The following INPP4B variants were observed in gnomAD, a reference collection of about 807,000 sequenced individuals.
INPP4B encodes the protein inositol polyphosphate 4-phosphatase type II.
Under a neutral mutation model 122.5 loss-of-function variants are expected in INPP4B, and 55 were observed. That is an observed-to-expected ratio of 0.45 (90% CI 0.36 to 0.56). The LOEUF (loss-of-function observed/expected upper bound fraction) is 0.56, where lower values mean the gene tolerates loss of function less well. Among genes scored for constraint, INPP4B ranks in the 20% least tolerant of loss-of-function variants. The pLI is 0.00. For missense variants in INPP4B, 1,000 were observed against 1,097.7 expected, an observed-to-expected ratio of 0.91 and a Z score of 1.26; for synonymous variants, 403 against 388.7, an observed-to-expected ratio of 1.04 and a Z score of -0.43.
chr4:142,272,903 T>C (rs1053825419), intron 9 of INPP4B, among the ~76,000 whole-genome samples: 1 of 152,046 alleles, frequency 6.6e-6, no homozygotes, highest in Non-Finnish European at 1.5e-5. Context: ...TTGGGCAAGC[T>C]AAGTTAGCTT....
intron 2 of INPP4B, among the ~76,000 whole-genome samples, chr4:142,640,100 C>T (rs1189071818): frequency 6.6e-6 from 1 of 152,020 alleles, no homozygotes; most frequent in Non-Finnish European, 1.5e-5. Context: ...CAGGTGTAAA[C>T]TGTGACTGTA....
intron 2 of INPP4B, among the ~76,000 whole-genome samples, chr4:142,507,059 A>C (rs896429315): frequency 1.3e-5 from 2 of 152,194 alleles, no homozygotes; most frequent in Non-Finnish European, 2.9e-5. Flanking sequence ...TCTAGTCTCA[A>C]CTTCCATGAT....
intron 23 of INPP4B, among the ~76,000 whole-genome samples, chr4:142,103,507 T>C (rs1210673639): frequency 3.3e-5 from 5 of 152,050 alleles, no homozygotes; most frequent in Admixed American, 3.3e-4. Flanking sequence ...ACAACGAGTG[T>C]CAGAAGTGAT....
At chr4:142,689,208 A>C (rs1759800890) in intron 2 of INPP4B, among the ~76,000 whole-genome samples, 1 of 152,154 alleles carries the variant, frequency 6.6e-6, no homozygotes, top group Admixed American at 6.6e-5. Context: ...TGGGTGTTAT[A>C]TTCTCAGGAG....
chr4:142,571,058 AG>A (rs1732693575), intron 2 of INPP4B, among the ~76,000 whole-genome samples: 1 of 147,614 alleles, frequency 6.8e-6, no homozygotes, highest in African/African-American at 2.5e-5. Context: ...AAAGAATTCC[AG>A]GAGTCCTCAC....
At chr4:142,531,173 A>AATAGAT (rs1389919785) in intron 2 of INPP4B, among the ~76,000 whole-genome samples, 3 of 152,056 alleles carry the variant, frequency 2.0e-5, no homozygotes, top group Admixed American at 6.6e-5. Context: ...AAATAAAGTC[A>AATAGAT]ATAGATATAC....
At chr4:142,304,011 T>C (rs1762455671) in intron 9 of INPP4B, among the ~76,000 whole-genome samples, 1 of 152,124 alleles carries the variant, frequency 6.6e-6, no homozygotes, top group Non-Finnish European at 1.5e-5. Flanking sequence ...AGTATGCTCC[T>C]GATGTTAATG....
chr4:142,078,370 A>C (rs978146061), intron 25 of INPP4B, among the ~76,000 whole-genome samples: 1 of 152,028 alleles, frequency 6.6e-6, no homozygotes, highest in Non-Finnish European at 1.5e-5. Context: ...TCAAGTGATA[A>C]CTTCATATGC....
At chr4:142,415,126 G>C (rs1805409576) in intron 5 of INPP4B, among the ~76,000 whole-genome samples, 1 of 152,160 alleles carries the variant, frequency 6.6e-6, no homozygotes, top group South Asian at 2.1e-4. Context: ...AACTACCACT[G>C]ATATGGGAGC....
chr4:142,683,691 C>G (rs1280336463), intron 2 of INPP4B, among the ~76,000 whole-genome samples: 1 of 151,718 alleles, frequency 6.6e-6, no homozygotes, highest in East Asian at 2.0e-4. Context: ...GCCTTTCTGT[C>G]CAGTTATTGT....
chr4:142,111,880 A>T (rs1790325899), intron 22 of INPP4B, among the ~76,000 whole-genome samples: 1 of 151,890 alleles, frequency 6.6e-6, no homozygotes, highest in South Asian at 2.1e-4. Context: ...AGTAGCTGGG[A>T]TTACAGGTGA....
intron 23 of INPP4B, among the ~76,000 whole-genome samples, chr4:142,097,221 GTTATTTTTATTTTATTTTATT>G (rs1561105463): frequency 1.3e-5 from 1 of 75,792 alleles, no homozygotes; most frequent in Non-Finnish European, 3.4e-5. Flanking sequence ...TTTATTTTAT[GTTATTTTTATTTTATTTTATT>G]TTATTTTATT....
At chr4:142,194,687 AGT>A (rs2149376175) in intron 14 of INPP4B, among the ~76,000 whole-genome samples, 1 of 152,302 alleles carries the variant, frequency 6.6e-6, no homozygotes, top group South Asian at 2.1e-4. Flanking sequence ...CTTCTAACTC[AGT>A]GACAGAGAGT....
Position 142,410,023 on chromosome 4 carries a change from A to T in INPP4B, c.137-4699T>A, listed in dbSNP as rs140349695. Among the ~76,000 whole-genome samples, 19 of 152,312 alleles carry T rather than the reference A, an allele frequency of 1.2e-4. 1 individual carries two copies. The East Asian group carries it at 3.7e-3, about 29-fold the overall frequency. On this transcript the variant is annotated intron_variant, in intron 5 of 25. Coordinates refer to ENST00000262992, the MANE Select transcript of INPP4B (RefSeq NM_001101669.3). ...ATATCAGTTTCTGTTTCCTGTGGCC[A>T]TTATTTCAAAATCAGGTGAAGGCTA...
intron 1 of INPP4B, among the ~76,000 whole-genome samples, chr4:142,786,499 C>G (rs2151047910): frequency 6.6e-6 from 1 of 151,834 alleles, no homozygotes; most frequent in Admixed American, 6.6e-5. Context: ...GATACTCTAC[C>G]CTAAAGGAGG....
At chr4:142,837,022 A>G (rs1782869504) in intron 1 of INPP4B, among the ~76,000 whole-genome samples, 1 of 151,680 alleles carries the variant, frequency 6.6e-6, no homozygotes. Flanking sequence ...AAAAGTTAGC[A>G]GGGCGTGGTG....
intron 2 of INPP4B, among the ~76,000 whole-genome samples, chr4:142,517,786 T>A (rs1363334328): frequency 6.6e-6 from 1 of 152,086 alleles, no homozygotes; most frequent in African/African-American, 2.4e-5. Flanking sequence ...TCCCTCCCTC[T>A]CCCCTAATAT....
intron 1 of INPP4B, among the ~76,000 whole-genome samples, chr4:142,745,859 A>T (rs2150932797): frequency 6.6e-6 from 1 of 152,046 alleles, no homozygotes; most frequent in Admixed American, 6.6e-5. Context: ...ATAAAAGAGT[A>T]AACTCATCAG....
chr4:142,410,373 T>C lies in INPP4B; in HGVS notation c.137-5049A>G, dbSNP rs568116335. ...CCTAAGAAAACTTTCTTCTGTGAAGTGAGGTCTTTTCTCTTGCCTCACTCT... is the reference window on the plus strand; with the variant it reads ...CCTAAGAAAACTTTCTTCTGTGAAGCGAGGTCTTTTCTCTTGCCTCACTCT... On this transcript the variant is annotated intron_variant, in intron 5 of 25. Coordinates refer to ENST00000262992, the MANE Select transcript of INPP4B (RefSeq NM_001101669.3). Among the ~76,000 whole-genome samples the C allele has an allele frequency of 2.6e-5, 4 of 152,342 alleles. No homozygotes were observed. In the South Asian group the frequency reaches 8.3e-4, roughly 32 times the overall value.
Sources: gnomAD v4.1 joint callset for allele counts (sites outside exome capture counted in the v4.1 genomes callset) on GRCh38, gnomAD v4.1.1 for gene constraint, MANE v1.5 for transcripts, NCBI Gene and HGNC (gene_info 2026-07-23, HGNC 2026-07-21) for gene names.